The following MINDY2 variants were observed in gnomAD, a reference collection of about 807,000 sequenced individuals.
MINDY2 encodes the protein ubiquitin carboxyl-terminal hydrolase MINDY-2.
A neutral mutation model predicts 68.2 loss-of-function variants in MINDY2; 52 were observed. The ratio of observed to expected loss-of-function variants is 0.76; its 90% CI spans 0.61 to 0.96. The LOEUF is 0.96. Ranked by LOEUF, MINDY2 falls within the 40% of genes least tolerant of loss-of-function variation. MINDY2 has a pLI of 0.00. For missense variants in MINDY2, 881 were observed against 773.4 expected (o/e 1.14, Z -1.65); for synonymous variants, 372 against 303.0 (o/e 1.23, Z -2.36).
intron 1 of MINDY2, among the ~76,000 whole-genome samples, chr15:58,784,362 T>G (rs1341097354): frequency 6.6e-6 from 1 of 152,090 alleles, no homozygotes; most frequent in Non-Finnish European, 1.5e-5. Context: ...GGAAATCTAG[T>G]TAATTCAGTA....
rs370865206 is a variant in MINDY2 at position 58,772,119 on chromosome 15, G to A, written c.724G>A (p.Val242Met). 1.2e-4 allele frequency: 192 copies of A among 1,613,996 alleles called. No individual in the cohort carries two copies. Among genetic ancestry groups the A allele is most frequent in the Non-Finnish European group, 1.5e-4 (174 of 1,179,994 alleles). Residue 242 changes from valine (V) to methionine (M), a missense_variant, in exon 1 of 9, where the codon GTG becomes ATG. Physicochemically the swap from Val to Met is conservative, Grantham distance 21 (BLOSUM62 1). Transcript: ENST00000559228. ...ASKERFPGQS[V>M]YHIKWIQWKE... Reference sequence around the variant, plus strand: ...CAAGGAACGCTTCCCGGGACAATCTGTGTATCACATCAAGTGGATCCAGTG... The same window carrying A: ...CAAGGAACGCTTCCCGGGACAATCTATGTATCACATCAAGTGGATCCAGTG...
chr15:58,825,968 A>G (rs2031367955), intron 5 of MINDY2, among the ~76,000 whole-genome samples: 1 of 152,094 alleles, frequency 6.6e-6, no homozygotes, highest in South Asian at 2.1e-4. Flanking sequence ...TATTTCTAGG[A>G]TATGTATTCG....
At chr15:58,804,422 T>G (rs1384633070) in intron 3 of MINDY2, among the ~76,000 whole-genome samples, 1 of 152,176 alleles carries the variant, frequency 6.6e-6, no homozygotes, top group South Asian at 2.1e-4. Flanking sequence ...CTGCGGATGA[T>G]AGCTGCAGTC....
intron 6 of MINDY2, among the ~76,000 whole-genome samples, chr15:58,841,549 G>A (rs568936548): frequency 1.3e-5 from 2 of 151,798 alleles, no homozygotes; most frequent in Admixed American, 6.6e-5. Context: ...GGGATTACAG[G>A]TGCATACCAC....
At chr15:58,815,559 G>A (rs2030627274) in intron 4 of MINDY2, 2 of 152,396 alleles carry the variant, frequency 1.3e-5, no homozygotes, top group Non-Finnish European at 1.5e-5. Flanking sequence ...ATGTTGCCCA[G>A]GCTGGTCTGA....
intron 1 of MINDY2, among the ~76,000 whole-genome samples, chr15:58,786,912 C>T (rs542986037): frequency 1.3e-5 from 2 of 152,300 alleles, no homozygotes; most frequent in African/African-American, 4.8e-5. Context: ...TCACTGCAAC[C>T]TCTGCCTCCC....
chr15:58,813,563 G>A (rs1446812424), intron 4 of MINDY2, among the ~76,000 whole-genome samples: 3 of 152,192 alleles, frequency 2.0e-5, no homozygotes, highest in African/African-American at 7.2e-5. Flanking sequence ...CAGGAGTGCA[G>A]TTGGTGGGTT....
intron 7 of MINDY2, among the ~76,000 whole-genome samples, chr15:58,848,614 C>T (rs1241053514): frequency 2.6e-5 from 4 of 152,010 alleles, no homozygotes; most frequent in South Asian, 2.1e-4. Context: ...GGCATGGTGG[C>T]GGGCGCCTGT....
chr15:58,825,987 A>C (rs984474017), intron 5 of MINDY2, among the ~76,000 whole-genome samples: 1 of 152,138 alleles, frequency 6.6e-6, no homozygotes, highest in Non-Finnish European at 1.5e-5. Flanking sequence ...CGTTAATTCA[A>C]ATATTTATTG....
intron 6 of MINDY2, among the ~76,000 whole-genome samples, chr15:58,836,655 G>C (rs2032007772): frequency 6.6e-6 from 1 of 151,912 alleles, no homozygotes; most frequent in South Asian, 2.1e-4. Flanking sequence ...GTCTTGCTCT[G>C]TCACCCAGGC....
At chr15:58,813,276 C>T (rs1306623554) in intron 4 of MINDY2, among the ~76,000 whole-genome samples, 1 of 152,222 alleles carries the variant, frequency 6.6e-6, no homozygotes, top group Non-Finnish European at 1.5e-5. Flanking sequence ...AGGTGAATCA[C>T]TTGAGACCAG....
In MINDY2 at chr15:58,861,026, A is replaced by G. The variant is rs1283029826; in HGVS notation, c.*6416A>G. The G allele has an allele frequency of 4.0e-5, 6 of 151,698 alleles. No individual in the cohort carries two copies. The highest frequency in any genetic ancestry group is 2.1e-4 in the South Asian group (1 of 4,814). 9.4% of individuals were successfully genotyped at this position (151,698 alleles called of 1,614,324 possible). On this transcript the variant is annotated 3_prime_UTR_variant, in exon 9 of 9. Coordinates refer to ENST00000559228, the MANE Select transcript of MINDY2 (RefSeq NM_001040450.3). Reference sequence around the variant, plus strand: ...CAGGAGATTGGTGTGTGAATGCTACAAAACAGTCAGCAAAAGGAATCATGT... The same window carrying G: ...CAGGAGATTGGTGTGTGAATGCTACGAAACAGTCAGCAAAAGGAATCATGT...
chr15:58,808,304 C>G (rs1165476028), intron 3 of MINDY2, among the ~76,000 whole-genome samples: 1 of 152,170 alleles, frequency 6.6e-6, no homozygotes, highest in Non-Finnish European at 1.5e-5. Flanking sequence ...TGTCACGTAT[C>G]TACCATTACA....
At chr15:58,824,838 T>C (rs1166389761) in intron 5 of MINDY2, among the ~76,000 whole-genome samples, 1 of 151,874 alleles carries the variant, frequency 6.6e-6, no homozygotes. Context: ...CCCGACTAAT[T>C]TTTGTATTTT....
intron 7 of MINDY2, among the ~76,000 whole-genome samples, chr15:58,851,318 A>T (rs1198311382): frequency 6.6e-6 from 1 of 152,218 alleles, no homozygotes; most frequent in African/African-American, 2.4e-5. Context: ...AAATAAGTTC[A>T]TAGCTCCCCA....
chr15:58,834,005 C>T (rs189659017), intron 6 of MINDY2, among the ~76,000 whole-genome samples: 56 of 152,156 alleles, frequency 3.7e-4, no homozygotes, highest in Non-Finnish European at 5.9e-4. Context: ...CAGCCTTCCG[C>T]AGTGTTTTGT....
intron 2 of MINDY2, 138 bp downstream of exon 2, chr15:58,788,101 A>G: frequency 1.8e-6 from 1 of 546,338 alleles, no homozygotes; most frequent in South Asian, 3.5e-5. Flanking sequence ...CTAATTAAAA[A>G]TTTTTATCAG....
At chr15:58,780,310 A>G (rs1344276236) in intron 1 of MINDY2, among the ~76,000 whole-genome samples, 1 of 152,112 alleles carries the variant, frequency 6.6e-6, no homozygotes, top group African/African-American at 2.4e-5. Context: ...AGGCTGAGGC[A>G]GGAGAATCAC....
rs774452832 is a variant in MINDY2, at chr15:58,857,676, C to G, written c.*3066C>G. The stretch of plus-strand genomic sequence containing the variant: ...AAGTGGTATATTAAAGTCTTTCCTT[C>G]CAAGTATTTTGTAATACTTGAAAAT... On this transcript the variant is annotated 3_prime_UTR_variant, in exon 9 of 9. Transcript: ENST00000559228. 2 of 151,986 alleles carry G rather than the reference C, an allele frequency of 1.3e-5. No individual in the cohort carries two copies. The highest frequency in any genetic ancestry group is 2.9e-5 in the Non-Finnish European group (2 of 67,984). 9.4% of individuals were successfully genotyped at this position (151,986 alleles called of 1,614,324 possible). A position where few individuals can be genotyped will look rare whatever the true frequency, so the allele number is the denominator to read the frequency against.
Sources: allele counts gnomAD v4.1 joint callset (sites outside exome capture counted in the v4.1 genomes callset), GRCh38; gene constraint gnomAD v4.1.1; transcripts MANE v1.5; gene names NCBI Gene and HGNC (gene_info 2026-07-23, HGNC 2026-07-21).